The following FRRS1 variants were observed in gnomAD, a reference collection of about 807,000 sequenced individuals.
FRRS1 encodes ferric chelate reductase 1.
In FRRS1, 51 loss-of-function variants were observed where a neutral mutation model predicts 70.7. The ratio of observed to expected loss-of-function variants is 0.72; its 90% confidence interval spans 0.58 to 0.91. FRRS1 has a LOEUF of 0.91. Ranked by LOEUF, FRRS1 falls within the 40% of genes least tolerant of loss-of-function variation. The pLI is 0.00. For missense variants in FRRS1, 672 were observed against 726.0 expected (o/e 0.93, Z 0.86); for synonymous variants, 225 against 238.7 (o/e 0.94, Z 0.53).
chr1:99,712,387 G>C, intron 13 of FRRS1, 31 bp downstream of exon 13: 1 of 1,391,092 alleles, frequency 7.2e-7, no homozygotes, highest in African/African-American at 1.4e-5. Context: ...TCTACATTAA[G>C]AGAGCATTTA....
chr1:99,727,808 C>G (rs554696354), intron 9 of FRRS1, among the ~76,000 whole-genome samples: 15 of 152,320 alleles, frequency 9.8e-5, no homozygotes, highest in Admixed American at 7.8e-4. Flanking sequence ...AGACCTGAAA[C>G]AAAATCGAAT....
intron 4 of FRRS1, among the ~76,000 whole-genome samples, chr1:99,746,892 G>A (rs1656300123): frequency 6.6e-6 from 1 of 151,964 alleles, no homozygotes; most frequent in Non-Finnish European, 1.5e-5. Context: ...TGCCTCTCCT[G>A]CCTCCCCTTC....
intron 4 of FRRS1, among the ~76,000 whole-genome samples, chr1:99,744,573 G>A (rs1344973505): frequency 2.0e-5 from 3 of 152,014 alleles, no homozygotes; most frequent in African/African-American, 7.2e-5. Flanking sequence ...GATCACCTGA[G>A]GTCGGGTGTT....
intron 3 of FRRS1, 34 bp downstream of exon 3, chr1:99,748,539 T>A: frequency 6.6e-7 from 1 of 1,512,222 alleles, no homozygotes; most frequent in South Asian, 1.2e-5. Context: ...AAGAGTGAAA[T>A]CCAAAATGTA....
At chr1:99,724,690 T>C (rs1654994220) in intron 9 of FRRS1, among the ~76,000 whole-genome samples, 2 of 152,152 alleles carry the variant, frequency 1.3e-5, no homozygotes, top group African/African-American at 2.4e-5. Context: ...CTGTCCTTTG[T>C]TCCCCAGTAC....
At chr1:99,735,581 C>T (rs72958514) in intron 7 of FRRS1, among the ~76,000 whole-genome samples, 2,342 of 152,138 alleles carry the variant, frequency 0.015, 56 homozygotes, top group African/African-American at 0.053. Context: ...GATTCATTTC[C>T]CCCAAGTTAG....
intron 9 of FRRS1, among the ~76,000 whole-genome samples, chr1:99,721,814 GTC>G (rs774636503): frequency 6.6e-5 from 10 of 151,700 alleles, no homozygotes; most frequent in Non-Finnish European, 1.3e-4. Context: ...GGCCAGGCTG[GTC>G]TTGAACTCCT....
chr1:99,747,313 A>G lies in FRRS1; in HGVS notation c.314T>C (p.Leu105Ser), dbSNP rs1656323445. ...TLIDSEVSQL[L>S]TCEDIQGSAV... ...ACAAACCTGTATATCTTCACAGGTC[A>G]AAAGTTGTGACACTTCACTGTCAAT... Residue 105 changes from leucine to serine, a missense_variant, in exon 4 of 17, where the codon TTG becomes TCG. Transcript: ENST00000646001. The G allele has an allele frequency of 6.2e-7, 1 of 1,613,684 alleles. No individual in the cohort carries two copies. The highest frequency in any genetic ancestry group is 8.5e-7 in the Non-Finnish European group (1 of 1,179,884).
In FRRS1 at chr1:99,715,579, T is replaced by C; in HGVS notation, c.1323+7A>G. 2 of 1,557,728 alleles carry C rather than the reference T, an allele frequency of 1.3e-6. No individual in the cohort carries two copies. The highest frequency in any genetic ancestry group is 1.8e-6 in the Non-Finnish European group (2 of 1,129,092). Reference sequence around the variant, plus strand: ...TATAAAAAAAACCCTATTTAAGATATACTTACCCTACTCCAGCCTCCCCTG... The same window carrying C: ...TATAAAAAAAACCCTATTTAAGATACACTTACCCTACTCCAGCCTCCCCTG... On this transcript the variant is annotated splice_region_variant and intron_variant, in intron 12 of 16. Transcript: ENST00000646001.
intron 4 of FRRS1, among the ~76,000 whole-genome samples, chr1:99,746,236 T>C (rs966703801): frequency 6.6e-6 from 1 of 152,132 alleles, no homozygotes; most frequent in Non-Finnish European, 1.5e-5. Context: ...GCTCAGGAAG[T>C]CTTAAGGACA....
intron 10 of FRRS1, among the ~76,000 whole-genome samples, chr1:99,719,160 C>T (rs931101703): frequency 2.0e-5 from 3 of 152,034 alleles, no homozygotes; most frequent in African/African-American, 7.2e-5. Context: ...GCCTGTAATC[C>T]CAGCACTTTG....
In FRRS1 at chr1:99,752,105, T is replaced by C. The variant is rs553100220; in HGVS notation, c.-105-3104A>G. On this transcript the variant is annotated intron_variant, in intron 1 of 16. Transcript: ENST00000646001. ...ACTTTGGCTTAAGGAAATGTTGTGGTTGGTTTGATCTTCTATCCAGACCAC... is the reference window on the plus strand; with the variant it reads ...ACTTTGGCTTAAGGAAATGTTGTGGCTGGTTTGATCTTCTATCCAGACCAC... Among the ~76,000 whole-genome samples the C allele has an allele frequency of 3.5e-4, 53 of 152,282 alleles. 1 individual carries two copies. In the South Asian group the frequency reaches 9.5e-3, roughly 27 times the overall value.
intron 7 of FRRS1, among the ~76,000 whole-genome samples, chr1:99,732,088 G>A (rs745711900): frequency 3.3e-5 from 5 of 152,220 alleles, no homozygotes; most frequent in Non-Finnish European, 7.4e-5. Flanking sequence ...AACTGAGGAT[G>A]AGAAGTCAAA....
intron 9 of FRRS1, among the ~76,000 whole-genome samples, chr1:99,722,597 A>G (rs1334282678): frequency 6.6e-6 from 1 of 152,246 alleles, no homozygotes; most frequent in African/African-American, 2.4e-5. Context: ...AAGTAATGAT[A>G]AAATATCATC....
Position 99,704,631 on chromosome 1 carries a change from T to G in FRRS1, c.*4397A>C, listed in dbSNP as rs1285758892. 6.6e-6 allele frequency among the ~76,000 whole-genome samples: 1 copy of G among 151,996 alleles called. No homozygotes were observed. Among genetic ancestry groups the G allele is most frequent in the Admixed American group, 6.6e-5 (1 of 15,264 alleles). On this transcript the variant is annotated 3_prime_UTR_variant, in exon 17 of 17. Transcript: ENST00000646001. ...TCACCACGCCCCCATCCTGTGCCTA[T>G]AAAAACCTCCAAGATTCTAGCAGGC...
At chr1:99,739,583 A>G (rs936384244) in intron 6 of FRRS1, among the ~76,000 whole-genome samples, 7 of 152,248 alleles carry the variant, frequency 4.6e-5, no homozygotes, top group African/African-American at 9.6e-5. Context: ...AAAGCGCATT[A>G]CTTTGTCTTC....
At chr1:99,765,033 C>T (rs1398863049) in intron 1 of FRRS1, among the ~76,000 whole-genome samples, 2 of 152,200 alleles carry the variant, frequency 1.3e-5, no homozygotes, top group Non-Finnish European at 1.5e-5. Context: ...TTCTGACTAG[C>T]AGACAACCTT....
chr1:99,730,072 T>C (rs1201480039), intron 7 of FRRS1, among the ~76,000 whole-genome samples: 1 of 152,192 alleles, frequency 6.6e-6, no homozygotes, highest in Non-Finnish European at 1.5e-5. Flanking sequence ...CCAAACCTAT[T>C]TGTATTATAC....
intron 6 of FRRS1, among the ~76,000 whole-genome samples, chr1:99,739,434 T>C (rs1038563405): frequency 1.3e-5 from 2 of 152,194 alleles, no homozygotes; most frequent in African/African-American, 4.8e-5. Context: ...AAATAAGGAT[T>C]AAGCCTAAAC....
Sources: gnomAD v4.1 joint callset for allele counts (sites outside exome capture counted in the v4.1 genomes callset) on GRCh38, gnomAD v4.1.1 for gene constraint, MANE v1.5 for transcripts, NCBI Gene and HGNC (gene_info 2026-07-23, HGNC 2026-07-21) for gene names.